ACSF3: variants seen among roughly 807,000 people sequenced by gnomAD.
ACSF3 encodes the protein malonate--CoA ligase ACSF3, mitochondrial.
In ACSF3, 78 loss-of-function variants were observed where a neutral mutation model predicts 53.2. The observed-to-expected ratio is 1.47, with a 90% CI of 1.22 to 1.77. ACSF3 has a LOEUF of 1.77. ACSF3 is among the 40% of genes most tolerant of loss of function. ACSF3 has a pLI of 0.00. For synonymous variants in ACSF3, 414 were observed against 333.1 expected, an observed-to-expected ratio of 1.24 and a Z score of -2.65; for missense variants, 937 against 771.1, an observed-to-expected ratio of 1.22 and a Z score of -2.55.
intron 8 of ACSF3, among the ~76,000 whole-genome samples, chr16:89,137,430 ATTGAGGGGAAGAG>A: frequency 7.1e-6 from 1 of 139,980 alleles, no homozygotes; most frequent in Non-Finnish European, 1.6e-5. Flanking sequence ...ACGGGGAAGG[ATTGAGGGGAAGAG>A]CCCCAGGTCT....
At chr16:89,109,093 A>G (rs12934601) in intron 4 of ACSF3, among the ~76,000 whole-genome samples, 11 of 151,968 alleles carry the variant, frequency 7.2e-5, no homozygotes, top group African/African-American at 2.4e-4. Flanking sequence ...TTAGCCAGGC[A>G]CCGTGGTTCA....
chr16:89,102,564 G>GTCTTGC (rs751901918), intron 3 of ACSF3, 40 bp from the exon 4 acceptor site: 1 of 1,611,278 alleles, frequency 6.2e-7, no homozygotes, highest in African/African-American at 1.3e-5. Context: ...GCGGGCCACA[G>GTCTTGC]TCTTGCTCTT....
At chr16:89,147,986 A>G (rs997974303) in intron 10 of ACSF3, 3 of 152,164 alleles carry the variant, frequency 2.0e-5, no homozygotes, top group Non-Finnish European at 4.4e-5. Context: ...GCATTGGGTA[A>G]ATACACCAGT....
chr16:89,148,101 G>GTTTTTTTT (rs71158780), intron 10 of ACSF3: 2 of 117,670 alleles, frequency 1.7e-5, no homozygotes, highest in African/African-American at 3.3e-5. Context: ...TTCTTTTTTG[G>GTTTTTTTT]TTTTTTTTTT....
intron 6 of ACSF3, chr16:89,115,077 A>G: frequency 4.8e-6 from 1 of 209,980 alleles, no homozygotes; most frequent in Non-Finnish European, 9.8e-6. Context: ...CTGGGAACAG[A>G]GCCCACAGCT....
At position 89,112,208 on chromosome 16, in the gene ACSF3, C is replaced by T. The variant is rs770510501; in HGVS notation, c.939C>T (p.Ala313=). Residue 313 remains alanine, a synonymous_variant, in exon 5 of 11, where the codon GCC becomes GCT. Transcript: ENST00000614302. ...YYDRHFTQPH[A]QDFLRAVCEE... Reference sequence around the variant, plus strand: ...ACAGGCATTTTACCCAGCCGCACGCCCAGGATTTCTTGCGTGCAGTTTGTG... The same window carrying T: ...ACAGGCATTTTACCCAGCCGCACGCTCAGGATTTCTTGCGTGCAGTTTGTG... The T allele has an allele frequency of 6.2e-7, 1 of 1,614,176 alleles. No homozygotes were observed. The highest frequency in any genetic ancestry group is 8.5e-7 in the Non-Finnish European group (1 of 1,180,044).
intron 9 of ACSF3, among the ~76,000 whole-genome samples, chr16:89,145,633 G>A (rs555494025): frequency 4.6e-5 from 7 of 152,336 alleles, no homozygotes; most frequent in East Asian, 1.9e-4. Flanking sequence ...AGGCCTGGCC[G>A]GGCGCAGCTC....
At chr16:89,136,987 G>A (rs185142206) in intron 8 of ACSF3, among the ~76,000 whole-genome samples, 19 of 152,334 alleles carry the variant, frequency 1.2e-4, no homozygotes, top group Admixed American at 5.2e-4. Flanking sequence ...CTGACTCCAC[G>A]TGCCCTCGCT....
intron 6 of ACSF3, among the ~76,000 whole-genome samples, chr16:89,118,868 C>T (rs1905876039): frequency 6.6e-6 from 1 of 152,208 alleles, no homozygotes; most frequent in Non-Finnish European, 1.5e-5. Flanking sequence ...GCAGTGCCCC[C>T]CACCTGCCTG....
At chr16:89,136,060 C>A (rs1031193836) in intron 8 of ACSF3, among the ~76,000 whole-genome samples, 18 of 152,276 alleles carry the variant, frequency 1.2e-4, no homozygotes, top group Non-Finnish European at 2.4e-4. Flanking sequence ...CAGGCGTCAG[C>A]CACTGCGTCT....
intron 10 of ACSF3, among the ~76,000 whole-genome samples, chr16:89,146,637 C>G (rs1347779761): frequency 1.3e-5 from 2 of 152,234 alleles, no homozygotes; most frequent in African/African-American, 4.8e-5. Flanking sequence ...TCCCCTCAGT[C>G]ATTTCACTTT....
At chr16:89,140,783 A>G (rs1046998761) in intron 8 of ACSF3, among the ~76,000 whole-genome samples, 38 of 152,154 alleles carry the variant, frequency 2.5e-4, no homozygotes, top group African/African-American at 9.2e-4. Flanking sequence ...CCTACACTCT[A>G]GAGAATTCAA....
rs150102245 is a variant in ACSF3, at chr16:89,120,526, A to T, written c.1127-275A>T. On this transcript the variant is annotated intron_variant, in intron 6 of 10. Transcript: ENST00000614302. Reference sequence around the variant, plus strand: ...GAGGGGCCCAGGGCAGGCCAGGCCCAGCGTGCCACGTGAGTGCCTGCTGTG... The same window carrying T: ...GAGGGGCCCAGGGCAGGCCAGGCCCTGCGTGCCACGTGAGTGCCTGCTGTG... 6.2e-3 allele frequency among the ~76,000 whole-genome samples: 949 copies of T among 152,362 alleles called. 2 individuals carry two copies. The highest frequency in any genetic ancestry group is 0.017 in the Middle Eastern group (5 of 294).
chr16:89,115,093 G>A, intron 6 of ACSF3: 1 of 208,382 alleles, frequency 4.8e-6, no homozygotes, highest in South Asian at 7.7e-5. Flanking sequence ...CAGCTGGGGG[G>A]CCACCCTGCT....
intron 8 of ACSF3, chr16:89,141,185 G>A (rs1469391939): frequency 1.3e-5 from 17 of 1,287,200 alleles, no homozygotes; most frequent in Non-Finnish European, 1.5e-5. Context: ...TTAAACCCTG[G>A]CTCCGATGCC....
intron 8 of ACSF3, among the ~76,000 whole-genome samples, chr16:89,139,973 C>T (rs901561501): frequency 4.6e-5 from 7 of 152,148 alleles, no homozygotes; most frequent in African/African-American, 1.4e-4. Context: ...CAGCTGAGGA[C>T]GGAGCCAAGG....
chr16:89,122,373 G>T, intron 7 of ACSF3: 1 of 444,998 alleles, frequency 2.2e-6, no homozygotes, highest in Non-Finnish European at 4.5e-6. Context: ...GCCCTCTGTA[G>T]GGCCCCAGCC....
At chr16:89,140,739 G>A (rs747288183) in intron 8 of ACSF3, among the ~76,000 whole-genome samples, 7 of 152,096 alleles carry the variant, frequency 4.6e-5, no homozygotes, top group African/African-American at 1.2e-4. Flanking sequence ...ACAAGTTCTC[G>A]CTGGGGGACT....
At chr16:89,114,170 C>A in intron 5 of ACSF3, 169 bp from the exon 6 acceptor site, 2 of 828,104 alleles carry the variant, frequency 2.4e-6, no homozygotes, top group South Asian at 1.5e-5. Context: ...CAGCGTTGGT[C>A]CCGGGTGTCG....
Sources: allele counts gnomAD v4.1 joint callset (sites outside exome capture counted in the v4.1 genomes callset), GRCh38; gene constraint gnomAD v4.1.1; transcripts MANE v1.5; gene names NCBI Gene and HGNC (gene_info 2026-07-23, HGNC 2026-07-21).